Variants in DNAI4 observed in about 807,000 individuals in gnomAD.
The protein encoded by DNAI4 is dynein axonemal intermediate chain 4.
Under a neutral mutation model 105.8 loss-of-function variants are expected in DNAI4, and 85 were observed. The ratio of observed to expected loss-of-function variants is 0.80; its 90% CI spans 0.67 to 0.96. The LOEUF (loss-of-function observed/expected upper bound fraction) is 0.96. Ranked by LOEUF, DNAI4 falls within the 40% of genes least tolerant of loss-of-function variation. The probability of loss-of-function intolerance (pLI) is 0.00; values close to 1 mark genes in which losing one functional copy is unlikely to be tolerated. For synonymous variants in DNAI4, 352 were observed against 331.5 expected (o/e 1.06, Z -0.67); for missense variants, 1,014 against 1,005.6 (o/e 1.01, Z -0.11).
intron 4 of DNAI4, among the ~76,000 whole-genome samples, chr1:66,884,812 T>G (rs1026942586): frequency 6.6e-6 from 1 of 152,172 alleles, no homozygotes; most frequent in Non-Finnish European, 1.5e-5. Flanking sequence ...GCGTAATTGC[T>G]TAGCCAAGGA....
Position 66,883,521 on chromosome 1 carries a change from G to A in DNAI4, c.643+7633C>T, listed in dbSNP as rs144132276. ...TTGAACTCCTGACTTCAGGTGATCCGCCCATCTCGGCCTCCCAAAGTGCTG... is the reference window on the plus strand; with the variant it reads ...TTGAACTCCTGACTTCAGGTGATCCACCCATCTCGGCCTCCCAAAGTGCTG... On this transcript the variant is annotated intron_variant, in intron 4 of 16. Transcript: ENST00000371026. 1.4e-3 allele frequency among the ~76,000 whole-genome samples: 209 copies of A among 152,048 alleles called. 3 individuals are homozygous for A. Among genetic ancestry groups the A allele is most frequent in the African/African-American group, 4.5e-3 (186 of 41,492 alleles).
rs1427089984 is a variant in DNAI4 at position 66,924,823 on chromosome 1, G to A, written c.9C>T (p.Pro3=). The A allele has an allele frequency of 1.2e-6, 2 of 1,613,990 alleles. No individual in the cohort carries two copies. Among genetic ancestry groups the A allele is most frequent in the African/African-American group, 1.3e-5 (1 of 75,042 alleles). ...GGGCCGAGGCTCCGGAATGTTTGCC[G>A]GGCGTCATGGCGACGGTGGAGCCCT... MT[P]GKHSGASARA... Residue 3 remains proline, a synonymous_variant, in exon 1 of 17, where the codon CCC becomes CCT. Coordinates refer to ENST00000371026, the MANE Select transcript of DNAI4 (RefSeq NM_024763.5).
intron 10 of DNAI4, among the ~76,000 whole-genome samples, chr1:66,836,762 A>G (rs1006165846): frequency 1.3e-5 from 2 of 152,214 alleles, no homozygotes; most frequent in African/African-American, 2.4e-5. Context: ...GTTTATTCAA[A>G]CACTGTTACA....
intron 1 of DNAI4, among the ~76,000 whole-genome samples, chr1:66,912,620 C>A (rs1225649191): frequency 1.3e-5 from 2 of 152,150 alleles, no homozygotes; most frequent in African/African-American, 4.8e-5. Flanking sequence ...TGCCTCCCGA[C>A]AATGTATAAA....
At chr1:66,910,289 T>C (rs1242540811) in intron 1 of DNAI4, among the ~76,000 whole-genome samples, 4 of 152,208 alleles carry the variant, frequency 2.6e-5, no homozygotes, top group African/African-American at 9.6e-5. Flanking sequence ...ATCCTTCATT[T>C]ACCATCCCAT....
chr1:66,867,554 T>A (rs1402896957), intron 6 of DNAI4, among the ~76,000 whole-genome samples: 1 of 151,398 alleles, frequency 6.6e-6, no homozygotes, highest in Non-Finnish European at 1.5e-5. Context: ...ATTCTTTGGA[T>A]TTTTTTTTAA....
chr1:66,895,867 C>T (rs755187169), intron 2 of DNAI4, among the ~76,000 whole-genome samples: 7 of 152,084 alleles, frequency 4.6e-5, no homozygotes, highest in Admixed American at 2.0e-4. Flanking sequence ...AAATGTTAAA[C>T]CAATCTTGAT....
chr1:66,836,681 C>T (rs1439269140), intron 10 of DNAI4, among the ~76,000 whole-genome samples: 1 of 152,212 alleles, frequency 6.6e-6, no homozygotes, highest in Non-Finnish European at 1.5e-5. Context: ...ATGTCAATCC[C>T]TCCACATTTA....
At chr1:66,887,234 C>T (rs897106268) in intron 4 of DNAI4, among the ~76,000 whole-genome samples, 3 of 152,206 alleles carry the variant, frequency 2.0e-5, no homozygotes, top group African/African-American at 7.2e-5. Context: ...ATGTGTTCCT[C>T]CAGTTTATGG....
chr1:66,831,862 G>T (rs532049354), intron 13 of DNAI4, among the ~76,000 whole-genome samples: 1 of 152,246 alleles, frequency 6.6e-6, no homozygotes, highest in East Asian at 1.9e-4. Flanking sequence ...TGATCATCTT[G>T]AATTCCTTAT....
At chr1:66,882,250 T>TTC (rs1647089192) in intron 4 of DNAI4, among the ~76,000 whole-genome samples, 2 of 152,368 alleles carry the variant, frequency 1.3e-5, no homozygotes, top group African/African-American at 4.8e-5. Context: ...GCAAACAATT[T>TTC]TCTCCCAGCC....
chr1:66,854,585 T>C (rs982407114), intron 7 of DNAI4, among the ~76,000 whole-genome samples: 6 of 152,112 alleles, frequency 3.9e-5, no homozygotes, highest in Non-Finnish European at 8.8e-5. Context: ...GCAGATCACC[T>C]GAGATCAGGA....
At chr1:66,820,105 A>G (rs1645594911) in intron 16 of DNAI4, among the ~76,000 whole-genome samples, 1 of 152,212 alleles carries the variant, frequency 6.6e-6, no homozygotes, top group South Asian at 2.1e-4. Flanking sequence ...ATGTGGAGAT[A>G]AATATCCCAG....
chr1:66,846,396 T>G (rs1646275845), intron 8 of DNAI4, among the ~76,000 whole-genome samples: 1 of 152,176 alleles, frequency 6.6e-6, no homozygotes, highest in South Asian at 2.1e-4. Context: ...AAGATAAATT[T>G]CATAAAGGAA....
intron 5 of DNAI4, 91 bp downstream of exon 5, chr1:66,874,690 C>T (rs2100677359): frequency 7.4e-7 from 1 of 1,355,214 alleles, no homozygotes; most frequent in Non-Finnish European, 1.0e-6. Context: ...TACCCCAGAA[C>T]CCCCAAGGAC....
intron 4 of DNAI4, among the ~76,000 whole-genome samples, chr1:66,881,415 G>T (rs1647068372): frequency 6.7e-6 from 1 of 148,900 alleles, no homozygotes; most frequent in Non-Finnish European, 1.5e-5. Context: ...AGCTGTCCAA[G>T]ACCATGGGAA....
At chr1:66,833,435 C>T (rs1040111241) in intron 13 of DNAI4, 150 bp downstream of exon 13, 2 of 897,798 alleles carry the variant, frequency 2.2e-6, no homozygotes, top group African/African-American at 1.7e-5. Context: ...CATCCCCTAG[C>T]CCAGGCAATC....
chr1:66,877,022 T>G lies in DNAI4; in HGVS notation c.644-2085A>C, dbSNP rs372970084. On this transcript the variant is annotated intron_variant, in intron 4 of 16. Transcript: ENST00000371026. Reference sequence around the variant, plus strand: ...GACTTTTATCCATAATGTGATATTTTGGCTCCAATTCATCATATTTACCCT... The same window carrying G: ...GACTTTTATCCATAATGTGATATTTGGGCTCCAATTCATCATATTTACCCT... Among the ~76,000 whole-genome samples the G allele has an allele frequency of 7.9e-5, 12 of 152,328 alleles. No individual in the cohort carries two copies. The South Asian group carries it at 1.9e-3, about 24-fold the overall frequency.
Position 66,814,088 on chromosome 1 carries a change from C to A in DNAI4, c.*42G>T. ...AATACAGAATATTGGATGTTAATTC[C>A]TTTTTTAAAACAACTACAAGAAAAA... is the stretch of plus-strand genomic sequence containing the variant. On this transcript the variant is annotated 3_prime_UTR_variant, in exon 17 of 17. Transcript: ENST00000371026. The A allele has an allele frequency of 1.3e-6, 2 of 1,537,536 alleles. No individual in the cohort carries two copies. The highest frequency in any genetic ancestry group is 1.8e-5 in the Admixed American group (1 of 54,458).
Sources: gnomAD v4.1 joint callset for allele counts (sites outside exome capture counted in the v4.1 genomes callset) on GRCh38, gnomAD v4.1.1 for gene constraint, MANE v1.5 for transcripts, NCBI Gene and HGNC (gene_info 2026-07-23, HGNC 2026-07-21) for gene names.